Variants in AFF1 observed in about 807,000 individuals in gnomAD.
AFF1 encodes the protein ALF transcription elongation factor 1.
Under a neutral mutation model 121.7 loss-of-function variants are expected in AFF1, and 48 were observed. The observed-to-expected ratio is 0.39, with a 90% CI of 0.31 to 0.50. AFF1 has a LOEUF of 0.50. AFF1 is among the 20% of genes least tolerant of loss of function. AFF1 has a pLI of 0.76. For missense variants in AFF1, 1,523 were observed against 1,511.7 expected (o/e 1.01, Z -0.12); for synonymous variants, 613 against 563.0 (o/e 1.09, Z -1.26).
In AFF1 at chr4:87,114,603, G is replaced by A. The variant is rs116537098; in HGVS notation, c.1770G>A (p.Arg590=). ...APPEAPHPGK[R]SCQKSPAQQE... is the part of the protein sequence containing the mutation. ...CCGAAGCCCCCCACCCCGGAAAGAG[G>A]AGCTGTCAGAAGTCTCCGGCACAGC... The change falls in exon 12 of 21, where the codon AGG becomes AGA. Residue 590 remains arginine (R), a synonymous_variant. Transcript: ENST00000395146. 3.0e-3 allele frequency: 4,828 copies of A among 1,608,996 alleles called. 16 individuals carry two copies. The highest frequency in any genetic ancestry group is 4.3e-3 in the South Asian group (393 of 90,814).
chr4:87,099,224 C>T (rs1725176494), intron 8 of AFF1, among the ~76,000 whole-genome samples: 1 of 152,146 alleles, frequency 6.6e-6, no homozygotes, highest in Non-Finnish European at 1.5e-5. Context: ...TAGAAATCTG[C>T]CCCATGTGTA....
At chr4:87,084,297 G>A in intron 5 of AFF1, 133 bp downstream of exon 5, 2 of 909,702 alleles carry the variant, frequency 2.2e-6, no homozygotes, top group South Asian at 2.8e-5. Flanking sequence ...CTAGCACTTT[G>A]GGAGGCCAAG....
At chr4:87,106,449 A>G (rs2149747613) in intron 10 of AFF1, among the ~76,000 whole-genome samples, 1 of 152,354 alleles carries the variant, frequency 6.6e-6, no homozygotes, top group South Asian at 2.1e-4. Flanking sequence ...CAATATTTGA[A>G]AAGTTAAACT....
intron 2 of AFF1, among the ~76,000 whole-genome samples, chr4:86,977,449 G>A (rs893679718): frequency 2.0e-5 from 3 of 152,158 alleles, no homozygotes; most frequent in African/African-American, 7.2e-5. Flanking sequence ...TGAAACCATG[G>A]AAAGTGAAAC....
chr4:87,057,157 G>A (rs1181190900), intron 4 of AFF1, among the ~76,000 whole-genome samples: 1 of 150,330 alleles, frequency 6.7e-6, no homozygotes, highest in Non-Finnish European at 1.5e-5. Context: ...TAAAGGCTTA[G>A]GAAGAGAAAA....
At chr4:87,077,619 G>A (rs1465494788) in intron 4 of AFF1, among the ~76,000 whole-genome samples, 1 of 151,516 alleles carries the variant, frequency 6.6e-6, no homozygotes, top group Non-Finnish European at 1.5e-5. Flanking sequence ...AGTAATTGAT[G>A]TTAGGACTTT....
In AFF1 at chr4:87,117,644, T is replaced by C. The variant is rs1727259012; in HGVS notation, c.2466+2345T>C. ...TGTGCAGTGTTTAGACATCATGATC[T>C]AGGCAAACAGAATTCCTGGCCTGAA... On this transcript the variant is annotated intron_variant, in intron 12 of 20. Coordinates refer to ENST00000395146, the MANE Select transcript of AFF1 (RefSeq NM_001166693.3). Among the ~76,000 whole-genome samples the C allele has an allele frequency of 2.0e-5, 3 of 152,238 alleles. No individual in the cohort carries two copies. In the South Asian group the frequency reaches 6.2e-4, roughly 31 times the overall value.
intron 2 of AFF1, among the ~76,000 whole-genome samples, chr4:86,978,676 T>A (rs1723499119): frequency 6.6e-6 from 1 of 152,176 alleles, no homozygotes; most frequent in African/African-American, 2.4e-5. Flanking sequence ...TAGAAATGAT[T>A]CCACTTAAGG....
At chr4:87,003,874 G>A (rs762540538) in intron 2 of AFF1, among the ~76,000 whole-genome samples, 15 of 152,158 alleles carry the variant, frequency 9.9e-5, no homozygotes, top group Non-Finnish European at 5.9e-5. Flanking sequence ...TTTGTTGTCC[G>A]ATATAGATTT....
chr4:87,126,360 T>C (rs1235744727), intron 14 of AFF1, 24 bp downstream of exon 14: 2 of 1,600,384 alleles, frequency 1.2e-6, no homozygotes, highest in Non-Finnish European at 1.7e-6. Context: ...GCGGTCACTC[T>C]GTAAGATGGG....
At chr4:87,080,312 T>G (rs1273431887) in intron 4 of AFF1, among the ~76,000 whole-genome samples, 5 of 152,250 alleles carry the variant, frequency 3.3e-5, no homozygotes, top group Admixed American at 3.3e-4. Flanking sequence ...ATTTTCTTGA[T>G]TCATGCAACT....
intron 2 of AFF1, among the ~76,000 whole-genome samples, chr4:86,959,929 T>C (rs1046257556): frequency 3.3e-5 from 5 of 152,132 alleles, no homozygotes; most frequent in African/African-American, 1.2e-4. Context: ...TTTCTGACAG[T>C]TGGTTCTAAC....
At chr4:87,065,235 G>A (rs890492933) in intron 4 of AFF1, among the ~76,000 whole-genome samples, 41 of 152,142 alleles carry the variant, frequency 2.7e-4, no homozygotes, top group Non-Finnish European at 4.0e-4. Flanking sequence ...TCACGTCTAC[G>A]TGAGTGGCGG....
At chr4:87,001,295 C>T (rs1366283607) in intron 2 of AFF1, among the ~76,000 whole-genome samples, 1 of 138,462 alleles carries the variant, frequency 7.2e-6, no homozygotes, top group Non-Finnish European at 1.5e-5. Flanking sequence ...CGGCTCACTG[C>T]AACCTCCCCC....
intron 2 of AFF1, among the ~76,000 whole-genome samples, chr4:86,951,708 C>T (rs1423060041): frequency 6.7e-6 from 1 of 148,964 alleles, no homozygotes; most frequent in Non-Finnish European, 1.5e-5. Context: ...CTACAACCTC[C>T]ACCTCCAGGT....
chr4:86,976,426 A>G (rs142657096), intron 2 of AFF1, among the ~76,000 whole-genome samples: 61 of 152,318 alleles, frequency 4.0e-4, no homozygotes, highest in African/African-American at 1.3e-3. Flanking sequence ...ACACCATGTC[A>G]TATCACGCAC....
intron 2 of AFF1, among the ~76,000 whole-genome samples, chr4:87,008,412 C>T (rs77322863): frequency 0.045 from 6,792 of 152,162 alleles, 496 homozygotes; most frequent in African/African-American, 0.15. Context: ...ATAGAACTTT[C>T]TAGGAAGGAA....
At chr4:87,114,113 T>G (rs188459740) in intron 11 of AFF1, among the ~76,000 whole-genome samples, 1 of 152,324 alleles carries the variant, frequency 6.6e-6, no homozygotes, top group East Asian at 1.9e-4. Context: ...TAAAGATTTC[T>G]CAGCAGTTGG....
chr4:87,046,999 C>G lies in AFF1; in HGVS notation c.464C>G (p.Ala155Gly). The change falls in exon 4 of 21, where the codon GCC becomes GGC. Residue 155 changes from alanine to glycine, a missense_variant. Coordinates refer to ENST00000395146, the MANE Select transcript of AFF1 (RefSeq NM_001166693.3). ...ACTGAACCAATGCCAAGTCTCCATG[C>G]CAAAAGCTGCGGCCCACCGGACAGC... is the stretch of plus-strand genomic sequence containing the variant. ...PRTEPMPSLH[A>G]KSCGPPDSQH... The G allele has an allele frequency of 6.2e-7, 1 of 1,614,136 alleles. No homozygotes were observed.
Sources: gnomAD v4.1 joint callset for allele counts (sites outside exome capture counted in the v4.1 genomes callset) on GRCh38, gnomAD v4.1.1 for gene constraint, MANE v1.5 for transcripts, NCBI Gene and HGNC (gene_info 2026-07-23, HGNC 2026-07-21) for gene names.